Variants in STK3 observed in about 807,000 individuals in gnomAD.
STK3 encodes serine/threonine kinase 3.
In STK3, 41 loss-of-function variants were observed where a neutral mutation model predicts 58.0. The observed-to-expected ratio is 0.71, with a 90% CI of 0.55 to 0.92. The LOEUF is 0.92. STK3 is among the 40% of genes least tolerant of loss of function. The pLI is 0.00. For synonymous variants in STK3, 170 were observed against 191.0 expected, an observed-to-expected ratio of 0.89 and a Z score of 0.91; for missense variants, 479 against 602.7, an observed-to-expected ratio of 0.79 and a Z score of 2.15.
intron 1 of STK3, among the ~76,000 whole-genome samples, chr8:98,777,985 T>A (rs2131509141): frequency 6.6e-6 from 1 of 152,262 alleles, no homozygotes; most frequent in South Asian, 2.1e-4. Context: ...ACTTCATGTC[T>A]AAAACACTAA....
At chr8:98,638,741 G>A (rs1819795952) in intron 6 of STK3, among the ~76,000 whole-genome samples, 1 of 152,182 alleles carries the variant, frequency 6.6e-6, no homozygotes, top group Non-Finnish European at 1.5e-5. Flanking sequence ...AGCAACACCA[G>A]CAAAGAGACA....
chr8:98,861,803 A>G (rs1836948105), intron 3 of STK3, among the ~76,000 whole-genome samples: 1 of 152,174 alleles, frequency 6.6e-6, no homozygotes, highest in African/African-American at 2.4e-5. Flanking sequence ...AGAACAGAGT[A>G]AAGAGATTGC....
chr8:98,694,835 G>A (rs963012964), intron 6 of STK3, among the ~76,000 whole-genome samples: 45 of 152,162 alleles, frequency 3.0e-4, no homozygotes, highest in Non-Finnish European at 6.0e-4. Context: ...CTTTATAGTA[G>A]CATGATTTAT....
chr8:98,917,013 T>C (rs1839370191), intron 1 of STK3, among the ~76,000 whole-genome samples: 1 of 152,174 alleles, frequency 6.6e-6, no homozygotes, highest in Non-Finnish European at 1.5e-5. Flanking sequence ...CACTTCTTCA[T>C]GCAGGTTCTG....
chr8:98,436,097 G>A (rs544044016), intron 2 of STK3, among the ~76,000 whole-genome samples: 9 of 152,174 alleles, frequency 5.9e-5, no homozygotes, highest in South Asian at 4.2e-4. Context: ...AAGCTCCCCC[G>A]AATTCTTTGG....
intron 6 of STK3, among the ~76,000 whole-genome samples, chr8:98,698,155 A>C (rs535015365): frequency 1.4e-3 from 217 of 151,770 alleles, no homozygotes; most frequent in African/African-American, 3.7e-3. Context: ...GTTGGTTTAA[A>C]GTCTGTTTTA....
chr8:98,661,915 T>A (rs1821994892), intron 6 of STK3, among the ~76,000 whole-genome samples: 1 of 152,100 alleles, frequency 6.6e-6, no homozygotes, highest in Non-Finnish European at 1.5e-5. Flanking sequence ...CTGAGTTATA[T>A]CATCTCATAG....
intron 3 of STK3, among the ~76,000 whole-genome samples, chr8:98,403,123 C>T (rs1817960368): frequency 6.6e-6 from 1 of 152,252 alleles, no homozygotes; most frequent in Non-Finnish European, 1.5e-5. Flanking sequence ...CAACCACACT[C>T]GCAGCTGTCC....
At chr8:98,916,075 G>A (rs995134604) in intron 1 of STK3, among the ~76,000 whole-genome samples, 8 of 152,036 alleles carry the variant, frequency 5.3e-5, no homozygotes, top group Admixed American at 6.6e-5. Flanking sequence ...GCTAAGGAGA[G>A]CAAGTGTCCT....
chr8:98,410,445 C>T (rs1188193543), intron 3 of STK3, among the ~76,000 whole-genome samples: 13 of 152,106 alleles, frequency 8.5e-5, no homozygotes, highest in South Asian at 6.2e-4. Context: ...CATGAGCACA[C>T]GGTAAGACCT....
intron 1 of STK3, among the ~76,000 whole-genome samples, chr8:98,823,553 C>T (rs1835047215): frequency 6.6e-6 from 1 of 152,230 alleles, no homozygotes; most frequent in South Asian, 2.1e-4. Flanking sequence ...CTTTGAGCCT[C>T]ATATAATAAG....
At chr8:98,891,775 G>C (rs1422142851) in intron 1 of STK3, among the ~76,000 whole-genome samples, 1 of 152,184 alleles carries the variant, frequency 6.6e-6, no homozygotes, top group Non-Finnish European at 1.5e-5. Context: ...ATGGGATCTA[G>C]AGGGAATAGA....
intron 7 of STK3, among the ~76,000 whole-genome samples, chr8:98,583,966 T>C (rs1814187696): frequency 6.6e-6 from 1 of 152,284 alleles, no homozygotes; most frequent in Middle Eastern, 3.4e-3. Context: ...TTTTAGTTTT[T>C]AATTCAACCT....
At chr8:98,563,412 TAC>T (rs987984754) in intron 8 of STK3, among the ~76,000 whole-genome samples, 7 of 151,992 alleles carry the variant, frequency 4.6e-5, no homozygotes, top group Non-Finnish European at 5.9e-5. Flanking sequence ...TACATATATA[TAC>T]ACACACACAC....
chr8:98,606,351 C>A (rs1816775473), intron 6 of STK3: 1 of 152,172 alleles, frequency 6.6e-6, no homozygotes, highest in Non-Finnish European at 1.5e-5. Flanking sequence ...TACCCAGGCT[C>A]CCTGGAAGTC....
chr8:98,688,098 G>A (rs1356328124), intron 6 of STK3, among the ~76,000 whole-genome samples: 2 of 147,550 alleles, frequency 1.4e-5, no homozygotes, highest in Non-Finnish European at 3.0e-5. Context: ...CAGTTAAACA[G>A]AAAACAAAGA....
intron 1 of STK3, among the ~76,000 whole-genome samples, chr8:98,912,501 T>C (rs1224669588): frequency 6.6e-6 from 1 of 152,186 alleles, no homozygotes; most frequent in Non-Finnish European, 1.5e-5. Context: ...ATTAAACGTG[T>C]CTGCTTGGTC....
chr8:98,876,875 G>A (rs1157684364), intron 3 of STK3, among the ~76,000 whole-genome samples: 5 of 152,360 alleles, frequency 3.3e-5, no homozygotes, highest in Admixed American at 2.6e-4. Flanking sequence ...AGTTTTAAAT[G>A]TAGGCAATGT....
intron 1 of STK3, among the ~76,000 whole-genome samples, chr8:98,776,180 T>C (rs1831664831): frequency 6.6e-6 from 1 of 151,778 alleles, no homozygotes; most frequent in Admixed American, 6.6e-5. Flanking sequence ...ATGGACAGAG[T>C]AACTGTCCTG....
Sources: gnomAD v4.1 joint callset for allele counts (sites outside exome capture counted in the v4.1 genomes callset) on GRCh38, gnomAD v4.1.1 for gene constraint, MANE v1.5 for transcripts, NCBI Gene and HGNC (gene_info 2026-07-23, HGNC 2026-07-21) for gene names.